Variants in ABCC1 observed in about 807,000 individuals in gnomAD.
ABCC1 encodes ATP binding cassette subfamily C member 1 (ABCC1 blood group), also known as multidrug resistance-associated protein 1.
ABCC1 carries 83 observed loss-of-function variants against 172.9 expected under a neutral mutation model. That is an observed-to-expected ratio of 0.48 (90% CI 0.40 to 0.58). ABCC1 has a LOEUF of 0.58. Among genes scored for constraint, ABCC1 ranks in the 20% least tolerant of loss-of-function variants. The pLI is 0.00. For synonymous variants in ABCC1, 937 were observed against 825.2 expected, an observed-to-expected ratio of 1.14 and a Z score of -2.32; for missense variants, 1,817 against 2,002.7, an observed-to-expected ratio of 0.91 and a Z score of 1.77.
At chr16:16,069,196 A>G in intron 13 of ABCC1, among the ~76,000 whole-genome samples, 1 of 148,294 alleles carries the variant, frequency 6.7e-6, no homozygotes, top group Non-Finnish European at 1.5e-5. Context: ...AAATAAATAA[A>G]TAAATAAATA....
intron 1 of ABCC1, among the ~76,000 whole-genome samples, chr16:15,972,787 CTTTTTTTTT>C (rs35086205): frequency 2.9e-4 from 26 of 89,332 alleles, no homozygotes; most frequent in African/African-American, 6.0e-4. Flanking sequence ...TATTTTTTAA[CTTTTTTTTT>C]TTTTTTTTTT....
At chr16:16,101,064 C>G (rs2051722031) in intron 19 of ABCC1, among the ~76,000 whole-genome samples, 2 of 151,514 alleles carry the variant, frequency 1.3e-5, no homozygotes, top group African/African-American at 2.4e-5. Context: ...CAGAGTCTCG[C>G]TCTGTCACCC....
chr16:16,071,487 A>C (rs1160893566), intron 13 of ABCC1, among the ~76,000 whole-genome samples, 155 bp from the exon 14 acceptor site: 1 of 152,068 alleles, frequency 6.6e-6, no homozygotes, highest in Admixed American at 6.6e-5. Flanking sequence ...TTTAATTCTA[A>C]AGTATACACT....
Position 16,044,491 on chromosome 16 carries a change from A to G in ABCC1, c.851A>G (p.Gln284Arg). The G allele has an allele frequency of 6.2e-7, 1 of 1,614,194 alleles. No individual in the cohort carries two copies. The highest frequency in any genetic ancestry group is 8.5e-7 in the Non-Finnish European group (1 of 1,180,022). Reference protein sequence around the residue: ...KVVYSSKDPAQPKESSKVDAN... With the variant: ...KVVYSSKDPARPKESSKVDAN... ...GTGTACTCCTCCAAGGATCCTGCCC[A>G]GCCGAAAGAGAGTTCCAAGGTGGAT... is the stretch of plus-strand genomic sequence containing the variant. Residue 284 changes from glutamine (Q) to arginine (R), a missense_variant, in exon 8 of 31, where the codon CAG (glutamine) becomes CGG (arginine). Transcript: ENST00000399410.
At chr16:16,061,099 A>G (rs992890659) in intron 12 of ABCC1, among the ~76,000 whole-genome samples, 8 of 151,622 alleles carry the variant, frequency 5.3e-5, no homozygotes, top group African/African-American at 1.7e-4. Context: ...AATTTTTTGT[A>G]TTTTTAGTAG....
intron 19 of ABCC1, among the ~76,000 whole-genome samples, chr16:16,100,112 A>T (rs2051660083): frequency 1.3e-5 from 2 of 151,484 alleles, no homozygotes; most frequent in South Asian, 4.1e-4. Flanking sequence ...AAATGCTGAG[A>T]GGATGGTGGA....
At chr16:16,064,401 C>T (rs1021404403) in intron 12 of ABCC1, among the ~76,000 whole-genome samples, 1 of 152,184 alleles carries the variant, frequency 6.6e-6, no homozygotes. Context: ...GGTTGCCAAG[C>T]CCACCTCAGT....
intron 19 of ABCC1, 44 bp from the exon 20 acceptor site, chr16:16,102,583 G>A (rs1173213645): frequency 1.3e-6 from 2 of 1,540,494 alleles, no homozygotes; most frequent in Non-Finnish European, 1.8e-6. Context: ...TTTAGCATCT[G>A]CCTCATATAA....
chr16:16,141,355 G>C lies in ABCC1; in HGVS notation c.*74G>C, dbSNP rs1185216309. Reference sequence around the variant, plus strand: ...CGCCCAGGGAGGAGTCAGTACCCCTGGTAAACCAAGCCTCCCACACTGAAA... The same window carrying C: ...CGCCCAGGGAGGAGTCAGTACCCCTCGTAAACCAAGCCTCCCACACTGAAA... On this transcript the variant is annotated 3_prime_UTR_variant, in exon 31 of 31. Coordinates refer to ENST00000399410, the MANE Select transcript of ABCC1 (RefSeq NM_004996.4). The C allele has an allele frequency of 2.2e-6, 3 of 1,393,082 alleles. No individual in the cohort carries two copies. The Admixed American group carries it at 5.6e-5, about 26-fold the overall frequency. The allele number at this position is 1,393,082 out of a possible 1,614,324, so 86.3% of individuals were successfully genotyped here.
intron 15 of ABCC1, among the ~76,000 whole-genome samples, chr16:16,077,364 C>A (rs930941243): frequency 3.9e-5 from 6 of 152,130 alleles, no homozygotes; most frequent in African/African-American, 1.4e-4. Context: ...TAACTTAAAT[C>A]CTGCCTGCTT....
At chr16:16,140,949 T>C (rs536059500) in intron 30 of ABCC1, among the ~76,000 whole-genome samples, 1 of 152,312 alleles carries the variant, frequency 6.6e-6, no homozygotes, top group East Asian at 1.9e-4. Context: ...ATTCACACCA[T>C]GATTGATGTG....
intron 27 of ABCC1, among the ~76,000 whole-genome samples, chr16:16,132,188 G>A (rs1215676416): frequency 6.6e-6 from 1 of 152,102 alleles, no homozygotes; most frequent in Non-Finnish European, 1.5e-5. Flanking sequence ...TGTTTTGGAA[G>A]ATTTTTTGTT....
At chr16:16,101,852 C>G (rs1473736447) in intron 19 of ABCC1, among the ~76,000 whole-genome samples, 1 of 152,224 alleles carries the variant, frequency 6.6e-6, no homozygotes, top group Non-Finnish European at 1.5e-5. Flanking sequence ...TGGGTGGATT[C>G]TTCCTGGGAT....
At chr16:16,034,106 C>T in intron 6 of ABCC1, among the ~76,000 whole-genome samples, 1 of 141,502 alleles carries the variant, frequency 7.1e-6, no homozygotes, top group African/African-American at 2.7e-5. Context: ...TAGCTCACTG[C>T]AGTCCCAATC....
intron 24 of ABCC1, 42 bp from the exon 25 acceptor site, chr16:16,124,747 C>T: frequency 6.2e-7 from 1 of 1,613,132 alleles, no homozygotes; most frequent in Non-Finnish European, 8.5e-7. Context: ...CTCTGTAGAG[C>T]TGACTCCATG....
intron 23 of ABCC1, among the ~76,000 whole-genome samples, chr16:16,120,578 G>C (rs970855579): frequency 6.6e-6 from 1 of 152,132 alleles, no homozygotes; most frequent in Non-Finnish European, 1.5e-5. Flanking sequence ...CCGGGAGCTG[G>C]GACACTGAAG....
In ABCC1 at chr16:16,052,780, C is replaced by G; in HGVS notation, c.1437C>G (p.Val479=). 1 of 1,614,102 alleles carries G rather than the reference C, an allele frequency of 6.2e-7. No homozygotes were observed. The highest frequency in any genetic ancestry group is 8.5e-7 in the Non-Finnish European group (1 of 1,180,016). ...GVAVMVLMVP[V]NAVMAMKTKT... is the part of the protein sequence containing the mutation. ...CGGTGATGGTCCTCATGGTGCCCGT[C>G]AATGCTGTGATGGCGATGAAGACCA... The change falls in exon 11 of 31, where the codon GTC becomes GTG. Residue 479 remains valine (V), a synonymous_variant. Transcript: ENST00000399410.
At chr16:16,029,634 A>G (rs1164212607) in intron 5 of ABCC1, among the ~76,000 whole-genome samples, 1 of 152,252 alleles carries the variant, frequency 6.6e-6, no homozygotes, top group East Asian at 1.9e-4. Flanking sequence ...AGTTTGGCTC[A>G]CAAAAAGTTG....
At chr16:16,066,341 C>T (rs1007381921) in intron 12 of ABCC1, among the ~76,000 whole-genome samples, 3 of 151,850 alleles carry the variant, frequency 2.0e-5, no homozygotes, top group African/African-American at 7.3e-5. Context: ...ACCACCACTC[C>T]TGGCTAATTG....
Sources: gnomAD v4.1 joint callset for allele counts (sites outside exome capture counted in the v4.1 genomes callset) on GRCh38, gnomAD v4.1.1 for gene constraint, MANE v1.5 for transcripts, NCBI Gene and HGNC (gene_info 2026-07-23, HGNC 2026-07-21) for gene names.